ERICH1: variants seen among roughly 807,000 people sequenced by gnomAD.
ERICH1 encodes the protein glutamate-rich protein 1.
A neutral mutation model predicts 39.6 loss-of-function variants in ERICH1; 56 were observed. The observed-to-expected ratio is 1.41, with a 90% CI of 1.14 to 1.77. ERICH1 has a LOEUF of 1.77. Ranked by LOEUF, ERICH1 falls within the 40% of genes most tolerant of loss-of-function variation. The pLI is 0.00. For synonymous variants in ERICH1, 313 were observed against 223.6 expected (o/e 1.40, Z -3.57); for missense variants, 826 against 575.4 (o/e 1.44, Z -4.45).
chr8:638,123 G>A (rs1798590054), intron 3 of ERICH1, among the ~76,000 whole-genome samples: 5 of 152,236 alleles, frequency 3.3e-5, no homozygotes, highest in Admixed American at 2.6e-4. Flanking sequence ...CACAACCCAG[G>A]CAAAGCACCT....
At chr8:653,811 G>T in intron 3 of ERICH1, among the ~76,000 whole-genome samples, 1 of 151,498 alleles carries the variant, frequency 6.6e-6, no homozygotes, top group Non-Finnish European at 1.5e-5. Flanking sequence ...AGAGGTCTCC[G>T]GAGGGGTTGG....
downstream of ERICH1, among the ~76,000 whole-genome samples, chr8:663,919 C>T (rs1429844493): frequency 1.3e-5 from 2 of 152,088 alleles, no homozygotes; most frequent in Admixed American, 6.6e-5. Context: ...GCCACCACGC[C>T]CGGCTAATTT....
chr8:617,825 C>T (rs995392803), intron 3 of ERICH1, among the ~76,000 whole-genome samples: 96 of 145,726 alleles, frequency 6.6e-4, no homozygotes, highest in Middle Eastern at 3.7e-3. Flanking sequence ...CTCAGTGTTC[C>T]ATCTGTCCTC....
Position 675,306 on chromosome 8 carries a change from A to G in ERICH1, c.305-1259T>C, listed in dbSNP as rs529829284. On this transcript the variant is annotated intron_variant, in intron 3 of 5. Transcript: ENST00000262109. The stretch of plus-strand genomic sequence containing the variant: ...CGGCGGCCCCTCGGCGAGGACAGAG[A>G]CGCGGCGGCCCCTCGTGAGGACAGA... Among the ~76,000 whole-genome samples the G allele has an allele frequency of 6.8e-3, 7 of 1,030 alleles. 1 individual carries two copies. The highest frequency in any genetic ancestry group is 0.01 in the Non-Finnish European group (5 of 490). 0.7% of individuals were successfully genotyped at this position (1,030 alleles called of 152,430 possible). A position where few individuals can be genotyped will look rare whatever the true frequency, so the allele number is the denominator to read the frequency against.
intron 2 of ERICH1, among the ~76,000 whole-genome samples, chr8:707,940 A>G (rs2132268726): frequency 6.6e-6 from 1 of 152,316 alleles, no homozygotes; most frequent in East Asian, 1.9e-4. Flanking sequence ...AATTCCGACA[A>G]CTCAGCAACA....
intron 3 of ERICH1, among the ~76,000 whole-genome samples, chr8:654,648 C>A (rs539355597): frequency 1.3e-5 from 2 of 152,130 alleles, no homozygotes; most frequent in Non-Finnish European, 2.9e-5. Flanking sequence ...GGAAAGGAAC[C>A]TCCCACTGTC....
At chr8:707,230 C>T (rs1377677582) in intron 2 of ERICH1, among the ~76,000 whole-genome samples, 2 of 124,354 alleles carry the variant, frequency 1.6e-5, no homozygotes, top group South Asian at 2.6e-4. Flanking sequence ...TTTTTTTAGA[C>T]AGAGTATCAC....
chr8:658,014 C>A (rs1002098011), intron 3 of ERICH1, among the ~76,000 whole-genome samples: 3 of 152,190 alleles, frequency 2.0e-5, no homozygotes, highest in Non-Finnish European at 4.4e-5. Context: ...GGAGGGGCCC[C>A]ACCCGATCCC....
intron 1 of ERICH1, among the ~76,000 whole-genome samples, chr8:729,839 C>T (rs1352316961): frequency 2.0e-5 from 3 of 151,614 alleles, no homozygotes; most frequent in Non-Finnish European, 2.9e-5. Flanking sequence ...TGATTAGGTA[C>T]ATTACAGATG....
chr8:652,047 G>A (rs1026013031), intron 3 of ERICH1, among the ~76,000 whole-genome samples: 5 of 152,276 alleles, frequency 3.3e-5, no homozygotes, highest in Admixed American at 1.3e-4. Flanking sequence ...GGGACCTGGA[G>A]GCAGAGCGTT....
chr8:699,851 G>GCACACGCGCAGACACCCT (rs1811394962), intron 2 of ERICH1, among the ~76,000 whole-genome samples: 1 of 96,114 alleles, frequency 1.0e-5, no homozygotes, highest in South Asian at 3.9e-4. Flanking sequence ...GCACAGACCC[G>GCACACGCGCAGACACCCT]CACACGCGCA....
At chr8:694,283 G>C (rs186810727) in intron 2 of ERICH1, among the ~76,000 whole-genome samples, 1 of 152,166 alleles carries the variant, frequency 6.6e-6, no homozygotes, top group African/African-American at 2.4e-5. Flanking sequence ...TTCCCTGCCG[G>C]AGCCAAGGGC....
chr8:627,948 G>C (rs992563449), intron 3 of ERICH1, among the ~76,000 whole-genome samples: 2 of 152,160 alleles, frequency 1.3e-5, no homozygotes, highest in Admixed American at 6.5e-5. Flanking sequence ...GGGCCGGGGG[G>C]GCCTGGAACG....
chr8:724,338 T>C (rs558068287), intron 1 of ERICH1, among the ~76,000 whole-genome samples: 58 of 152,190 alleles, frequency 3.8e-4, no homozygotes, highest in African/African-American at 1.3e-3. Context: ...AGAAAGAAAA[T>C]ATTCCACGCA....
intron 3 of ERICH1, among the ~76,000 whole-genome samples, chr8:636,580 C>A (rs11986180): frequency 0.025 from 3,844 of 152,344 alleles, 154 homozygotes; most frequent in African/African-American, 0.088. Flanking sequence ...CCTCCACTTA[C>A]CCTCAGCCCT....
intron 1 of ERICH1, among the ~76,000 whole-genome samples, chr8:716,870 C>G (rs1816124801): frequency 6.6e-6 from 1 of 152,110 alleles, no homozygotes; most frequent in South Asian, 2.1e-4. Flanking sequence ...AGGGAGGCTC[C>G]ACGGCCCTAC....
At chr8:711,701 G>A (rs973161935) in intron 2 of ERICH1, among the ~76,000 whole-genome samples, 1 of 152,134 alleles carries the variant, frequency 6.6e-6, no homozygotes, top group African/African-American at 2.4e-5. Flanking sequence ...GTTTCACCAT[G>A]TTAGCCAGGA....
chr8:638,577 G>C (rs920883250), intron 3 of ERICH1, among the ~76,000 whole-genome samples: 1 of 152,194 alleles, frequency 6.6e-6, no homozygotes, highest in African/African-American at 2.4e-5. Context: ...TACGAGGGCA[G>C]GATCTCGCTT....
At chr8:672,924 T>C (rs754340353) in intron 4 of ERICH1, among the ~76,000 whole-genome samples, 48 of 152,240 alleles carry the variant, frequency 3.2e-4, no homozygotes, top group Non-Finnish European at 5.7e-4. Flanking sequence ...TCTGGATTTA[T>C]CTCTTGTTTA....
Sources: allele counts gnomAD v4.1 joint callset (sites outside exome capture counted in the v4.1 genomes callset), GRCh38; gene constraint gnomAD v4.1.1; transcripts MANE v1.5; gene names NCBI Gene and HGNC (gene_info 2026-07-23, HGNC 2026-07-21).